The following INTS6 variants were observed in gnomAD, a reference collection of about 807,000 sequenced individuals.
The protein encoded by INTS6 is DEAD box protein.
Under a neutral mutation model 104.9 loss-of-function variants are expected in INTS6, and 16 were observed. The observed-to-expected ratio is 0.15, with a 90% CI of 0.10 to 0.23. INTS6 has a LOEUF of 0.23. INTS6 is among the 10% of genes least tolerant of loss of function. INTS6 has a pLI of 1.00. For synonymous variants in INTS6, 324 were observed against 358.7 expected (o/e 0.90, Z 1.09); for missense variants, 584 against 1,062.8 (o/e 0.55, Z 6.26).
At chr13:51,348,177 G>C in the INTS6 span, 1 of 1,502,252 alleles carries the variant, frequency 6.7e-7, no homozygotes, top group Non-Finnish European at 9.1e-7. Context: ...CCTGGCTCCT[G>C]GGACAGAGCT....
At chr13:51,429,785 A>AAAAAAAATATAT (rs1156333077) in intron 4 of INTS6, among the ~76,000 whole-genome samples, 23 of 92,354 alleles carry the variant, frequency 2.5e-4, no homozygotes, top group African/African-American at 1.0e-3. Context: ...AAAAAAAAAA[A>AAAAAAAATATAT]ATATATATAT....
intron 4 of INTS6, among the ~76,000 whole-genome samples, chr13:51,408,291 C>T (rs1396055347): frequency 6.6e-6 from 1 of 151,622 alleles, no homozygotes; most frequent in Non-Finnish European, 1.5e-5. Context: ...TTACAGGCGC[C>T]TGCCACCATG....
intron 16 of INTS6, among the ~76,000 whole-genome samples, 185 bp downstream of exon 16, chr13:51,368,754 T>C (rs1200972191): frequency 1.3e-5 from 2 of 152,148 alleles, no homozygotes; most frequent in Admixed American, 1.3e-4. Flanking sequence ...CCATACCTAG[T>C]ACCTTGGAAA....
intron 3 of INTS6, chr13:51,444,949 C>T (rs1216925784): frequency 1.3e-5 from 2 of 151,772 alleles, no homozygotes; most frequent in Non-Finnish European, 2.9e-5. Flanking sequence ...TTAAATTATA[C>T]CACCATTAAA....
chr13:51,389,081 C>T (rs1956199190), intron 6 of INTS6, among the ~76,000 whole-genome samples: 1 of 152,166 alleles, frequency 6.6e-6, no homozygotes, highest in Admixed American at 6.5e-5. Context: ...TTTGAAAAGG[C>T]TTTTGACTCA....
intron 4 of INTS6, among the ~76,000 whole-genome samples, chr13:51,410,394 T>C (rs1417672861): frequency 1.3e-5 from 2 of 152,106 alleles, no homozygotes; most frequent in Non-Finnish European, 2.9e-5. Context: ...CAAAACAGAA[T>C]AGAAAGTCCA....
At chr13:51,344,198 T>C in the INTS6 span, 1 of 1,331,746 alleles carries the variant, frequency 7.5e-7, no homozygotes, top group Admixed American at 1.8e-5. Flanking sequence ...GAGGTTGTGC[T>C]AACTCCTTAC....
chr13:51,387,991 A>AT (rs1422833431), intron 6 of INTS6, among the ~76,000 whole-genome samples: 2 of 152,236 alleles, frequency 1.3e-5, no homozygotes, highest in Non-Finnish European at 2.9e-5. Flanking sequence ...CTTAGAAATC[A>AT]TTTTAACCGA....
chr13:51,341,412 C>T, the INTS6 span: 10 of 1,425,310 alleles, frequency 7.0e-6, no homozygotes, highest in African/African-American at 1.4e-5. Context: ...CTCTCCAGCT[C>T]ACCCTCCTGC....
In INTS6 at chr13:51,364,229, T is replaced by A. The variant is rs777464312; in HGVS notation, c.*1523A>T. 186 of 1,402,938 alleles carry A rather than the reference T, an allele frequency of 1.3e-4. 1 individual carries two copies. In the South Asian group the frequency reaches 2.1e-3, roughly 16 times the overall value. 86.9% of individuals were successfully genotyped at this position (1,402,938 alleles called of 1,614,324 possible). A position where few individuals can be genotyped will look rare whatever the true frequency, so the allele number is the denominator to read the frequency against. On this transcript the variant is annotated 3_prime_UTR_variant, in exon 18 of 18. Coordinates refer to ENST00000311234, the MANE Select transcript of INTS6 (RefSeq NM_012141.3). ...ACTATATAATATTAAATTCTTCTTT[T>A]TCTTGACAGGGTTTGTCTTCAGTAT... is the stretch of plus-strand genomic sequence containing the variant.
At chr13:51,338,810 G>C in the INTS6 span, among the ~76,000 whole-genome samples, 1 of 152,130 alleles carries the variant, frequency 6.6e-6, no homozygotes, top group African/African-American at 2.4e-5. Context: ...TGATTACAGG[G>C]GTAGTTGTCA....
At chr13:51,400,661 C>A (rs1181348415) in intron 4 of INTS6, among the ~76,000 whole-genome samples, 1 of 152,046 alleles carries the variant, frequency 6.6e-6, no homozygotes, top group Non-Finnish European at 1.5e-5. Flanking sequence ...GAAAAAAAGG[C>A]AAGATGCAAA....
chr13:51,452,261 GCGCC>G lies in INTS6; in HGVS notation c.111+150_111+153del, dbSNP rs1182659368. ...GGGCCCCGGCCGAACCCGGCTCGCAGCGCCCGCCCGCCCGCGCGGTGGGGGAGGG... is the reference window on the plus strand; with the variant it reads ...GGGCCCCGGCCGAACCCGGCTCGCAGCGCCCGCCCGCGCGGTGGGGGAGGG... On this transcript the variant is annotated intron_variant, in intron 1 of 17. Coordinates refer to ENST00000311234, the MANE Select transcript of INTS6 (RefSeq NM_012141.3). This position sits in a 1 kb window ranked among gnomAD's most constrained non-coding sequence, Gnocchi z 4.2. The G allele has an allele frequency of 2.5e-5, 21 of 831,708 alleles. No individual in the cohort carries two copies. Among genetic ancestry groups the G allele is most frequent in the South Asian group, 1.2e-4 (2 of 17,016 alleles). The allele number at this position is 831,708 out of a possible 1,614,324, so 51.5% of individuals were successfully genotyped here.
intron 12 of INTS6, 44 bp from the exon 13 acceptor site, chr13:51,376,218 A>C: frequency 1.3e-6 from 2 of 1,526,650 alleles, no homozygotes; most frequent in Non-Finnish European, 1.8e-6. Flanking sequence ...TCAAACATAG[A>C]ATTACAAGAG....
chr13:51,395,163 A>G (rs12100112), intron 5 of INTS6, 137 bp downstream of exon 5: 34,691 of 772,784 alleles, frequency 0.045, 980 homozygotes, highest in South Asian at 0.093. Flanking sequence ...TAAATGTACT[A>G]TTAAAAGCAT....
At chr13:51,382,587 T>C (rs1046025255) in intron 9 of INTS6, among the ~76,000 whole-genome samples, 3 of 152,346 alleles carry the variant, frequency 2.0e-5, no homozygotes, top group Admixed American at 2.0e-4. Flanking sequence ...TTGGAACAAA[T>C]TCCTTTATTT....
intron 17 of INTS6, among the ~76,000 whole-genome samples, chr13:51,366,812 C>A (rs2137853000): frequency 6.6e-6 from 1 of 152,088 alleles, no homozygotes; most frequent in Admixed American, 6.6e-5. Flanking sequence ...TCATGTGTAG[C>A]ATAGAAGAGA....
At chr13:51,416,682 T>G (rs190806293) in intron 4 of INTS6, among the ~76,000 whole-genome samples, 1 of 152,378 alleles carries the variant, frequency 6.6e-6, no homozygotes, top group East Asian at 1.9e-4. Context: ...ATTAATATGA[T>G]GTTCACTTAC....
intron 3 of INTS6, chr13:51,355,162 CCAAA>C (rs1218883513): frequency 7.9e-7 from 1 of 1,268,312 alleles, no homozygotes; most frequent in Non-Finnish European, 1.1e-6. Context: ...GGTTCTTCTT[CCAAA>C]CGTTCTAGCC....
Sources: allele counts gnomAD v4.1 joint callset (sites outside exome capture counted in the v4.1 genomes callset), GRCh38; gene constraint gnomAD v4.1.1; non-coding constraint Gnocchi (gnomAD v3.1); transcripts MANE v1.5; gene names NCBI Gene and HGNC (gene_info 2026-07-23, HGNC 2026-07-21).